CFI: variants seen among roughly 807,000 people sequenced by gnomAD.
CFI encodes the protein complement factor I.
Under a neutral mutation model 78.8 loss-of-function variants are expected in CFI, and 66 were observed. That is an observed-to-expected ratio of 0.84 (90% confidence interval 0.69 to 1.03). The LOEUF is 1.03. Among genes scored for constraint, CFI ranks in the 50% least tolerant of loss-of-function variants. The pLI, the probability that CFI is intolerant of heterozygous loss-of-function variation, is 0.00. For synonymous variants in CFI, 250 were observed against 232.6 expected, an observed-to-expected ratio of 1.07 and a Z score of -0.68; for missense variants, 706 against 704.5, an observed-to-expected ratio of 1.00 and a Z score of -0.02.
intron 12 of CFI, 98 bp downstream of exon 12, chr4:109,742,393 T>C: frequency 1.2e-6 from 1 of 808,928 alleles, no homozygotes; most frequent in Non-Finnish European, 2.2e-6. Context: ...ATGGAGGGAA[T>C]TAGGGCCCAA....
At chr4:109,772,970 A>T (rs761466472) in intron 1 of CFI, among the ~76,000 whole-genome samples, 3 of 152,216 alleles carry the variant, frequency 2.0e-5, no homozygotes, top group Non-Finnish European at 4.4e-5. Context: ...GAAAATAGAA[A>T]GATTGCATTT....
intron 7 of CFI, among the ~76,000 whole-genome samples, chr4:109,757,512 A>G (rs1726473421): frequency 6.6e-6 from 1 of 152,174 alleles, no homozygotes; most frequent in South Asian, 2.1e-4. Context: ...GGTATTCGGC[A>G]AAGGTGAAAT....
chr4:109,761,592 C>A lies in CFI; in HGVS notation c.583G>T (p.Glu195Ter). ...HCRGLETSLA[E>*]CTFTKRRTMG... ...GTTCTTCTCTTAGTAAAAGTACATT[C>A]AGCCAAACTGGTCTCTAATCCTCGG... Residue 195 changes from glutamate to a stop codon, truncating the protein, a stop_gained, in exon 4 of 13, where the codon GAA becomes TAA. Coordinates refer to ENST00000394634, the MANE Select transcript of CFI (RefSeq NM_000204.5). LOFTEE classifies it high-confidence loss of function. 1 of 1,614,086 alleles carries A rather than the reference C, an allele frequency of 6.2e-7. No individual in the cohort carries two copies. The highest frequency in any genetic ancestry group is 8.5e-7 in the Non-Finnish European group (1 of 1,179,968).
intron 8 of CFI, among the ~76,000 whole-genome samples, chr4:109,752,065 A>G (rs1725212658): frequency 6.6e-6 from 1 of 152,202 alleles, no homozygotes; most frequent in Admixed American, 6.5e-5. Flanking sequence ...TATTACCGTG[A>G]TTTAAAACAT....
chr4:109,764,337 A>T (rs908578343), intron 3 of CFI, 200 bp downstream of exon 3: 4 of 631,994 alleles, frequency 6.3e-6, no homozygotes, highest in Middle Eastern at 2.7e-4. Flanking sequence ...CAGACTTATT[A>T]TCCATGCTTT....
At position 109,740,713 on chromosome 4, in the gene CFI, T is replaced by C. The variant is rs139779213; in HGVS notation, c.*180A>G. ...AAACTTGTATGCTTCACCAAAATATTTATTTGAGAATTATACAACAAAATT... is the reference window on the plus strand; with the variant it reads ...AAACTTGTATGCTTCACCAAAATATCTATTTGAGAATTATACAACAAAATT... On this transcript the variant is annotated 3_prime_UTR_variant, in exon 13 of 13. Coordinates refer to ENST00000394634, the MANE Select transcript of CFI (RefSeq NM_000204.5). 1 of 688,968 alleles carries C rather than the reference T, an allele frequency of 1.5e-6. No homozygotes were observed. The allele number at this position is 688,968 out of a possible 1,614,324, so 42.7% of individuals were successfully genotyped here.
chr4:109,777,043 G>A (rs1354631447), intron 1 of CFI, among the ~76,000 whole-genome samples: 2 of 152,130 alleles, frequency 1.3e-5, no homozygotes, highest in Non-Finnish European at 2.9e-5. Context: ...GACCATCAAG[G>A]CTAGGAAGAA....
intron 1 of CFI, among the ~76,000 whole-genome samples, chr4:109,773,992 GAT>G (rs1728912490): frequency 6.6e-6 from 1 of 152,174 alleles, no homozygotes; most frequent in African/African-American, 2.4e-5. Flanking sequence ...CACATCTTGG[GAT>G]ATATGAAAGA....
chr4:109,764,726 G>T, intron 2 of CFI, 36 bp from the exon 3 acceptor site: 2 of 1,586,576 alleles, frequency 1.3e-6, no homozygotes, highest in Non-Finnish European at 1.7e-6. Context: ...GCAATATGTA[G>T]CCATTCACTT....
At chr4:109,772,361 T>C (rs901235744) in intron 1 of CFI, among the ~76,000 whole-genome samples, 3 of 152,254 alleles carry the variant, frequency 2.0e-5, no homozygotes, top group Admixed American at 6.5e-5. Context: ...AGGCTTTGCC[T>C]GAAGACAAAA....
chr4:109,788,376 G>T lies in CFI; in HGVS notation c.57+13539C>A, dbSNP rs569666986. On this transcript the variant is annotated intron_variant, in intron 1 of 12. Transcript: ENST00000394634. Reference sequence around the variant, plus strand: ...GAGAATATCTAGTTTCCATACTCTTGATTACAGAGTATATATTATGTTTCC... The same window carrying T: ...GAGAATATCTAGTTTCCATACTCTTTATTACAGAGTATATATTATGTTTCC... Among the ~76,000 whole-genome samples, 11 of 152,122 alleles carry T rather than the reference G, an allele frequency of 7.2e-5. No individual in the cohort carries two copies. In the East Asian group the frequency reaches 2.1e-3, roughly 29 times the overall value.
intron 7 of CFI, among the ~76,000 whole-genome samples, chr4:109,753,488 A>G (rs1725595502): frequency 1.4e-5 from 1 of 73,332 alleles, no homozygotes; most frequent in African/African-American, 5.8e-5. Flanking sequence ...TATTTATAAT[A>G]AATATTTATA....
At chr4:109,746,759 G>T (rs1476117691) in intron 10 of CFI, among the ~76,000 whole-genome samples, 2 of 152,178 alleles carry the variant, frequency 1.3e-5, no homozygotes, top group Non-Finnish European at 2.9e-5. Context: ...AACTAGAGAT[G>T]CCCAAAAGTG....
intron 1 of CFI, among the ~76,000 whole-genome samples, chr4:109,772,790 C>T (rs896662799): frequency 3.9e-5 from 6 of 152,010 alleles, no homozygotes; most frequent in South Asian, 2.1e-4. Flanking sequence ...CACTATGTTG[C>T]CCAGGCTGGT....
At chr4:109,777,386 A>G (rs1242772287) in intron 1 of CFI, among the ~76,000 whole-genome samples, 14 of 152,270 alleles carry the variant, frequency 9.2e-5, no homozygotes, top group Admixed American at 9.2e-4. Flanking sequence ...AGACAAAGAA[A>G]GTCATTACAT....
In CFI at chr4:109,760,553, C is replaced by T. The variant is rs765371768; in HGVS notation, c.742G>A (p.Gly248Arg). ...MKACDGINDC[G>R]DQSDELCCKA... is the part of the protein sequence containing the mutation. The stretch of plus-strand genomic sequence containing the variant: ...CAACACAGTTCATCACTTTGGTCTC[C>T]ACAATCATTGATACCATCACAGGCT... Residue 248 changes from glycine to arginine, a missense_variant, in exon 5 of 13, where the codon GGA becomes AGA. Physicochemically the swap from Gly to Arg is moderately radical, Grantham distance 125. Coordinates refer to ENST00000394634, the MANE Select transcript of CFI (RefSeq NM_000204.5). 6.2e-7 allele frequency: 1 copy of T among 1,605,700 alleles called. No homozygotes were observed. The highest frequency in any genetic ancestry group is 8.5e-7 in the Non-Finnish European group (1 of 1,172,438).
At chr4:109,739,343 G>C (rs1360831343), downstream of CFI, among the ~76,000 whole-genome samples, 1 of 152,118 alleles carries the variant, frequency 6.6e-6, no homozygotes, top group East Asian at 1.9e-4. Flanking sequence ...AAGTGGTAGG[G>C]ATGTAGCCAG....
At chr4:109,763,497 TGTAA>T (rs1243001181) in intron 3 of CFI, among the ~76,000 whole-genome samples, 1 of 151,892 alleles carries the variant, frequency 6.6e-6, no homozygotes, top group Non-Finnish European at 1.5e-5. Context: ...AATTCAACAA[TGTAA>T]GTAAGTATAA....
chr4:109,746,190 G>C, intron 11 of CFI, 32 bp downstream of exon 11: 1 of 1,611,948 alleles, frequency 6.2e-7, no homozygotes, highest in Non-Finnish European at 8.5e-7. Context: ...TCCAACTCAT[G>C]GCTTCTGATT....
Sources: allele counts gnomAD v4.1 joint callset (sites outside exome capture counted in the v4.1 genomes callset), GRCh38; gene constraint gnomAD v4.1.1; transcripts MANE v1.5; gene names NCBI Gene and HGNC (gene_info 2026-07-23, HGNC 2026-07-21).